The following PLEKHG1 variants were observed in gnomAD, a reference collection of about 807,000 sequenced individuals.
PLEKHG1 encodes the protein pleckstrin homology domain-containing family G member 1.
In PLEKHG1, 44 loss-of-function variants were observed where a neutral mutation model predicts 100.8. The observed-to-expected ratio is 0.44, with a 90% CI of 0.34 to 0.56. The LOEUF (loss-of-function observed/expected upper bound fraction) is 0.56, where lower values mean the gene tolerates loss of function less well. PLEKHG1 is among the 20% of genes least tolerant of loss of function. PLEKHG1 has a pLI of 0.01. For synonymous variants in PLEKHG1, 640 were observed against 662.5 expected, an observed-to-expected ratio of 0.97 and a Z score of 0.52; for missense variants, 1,545 against 1,720.9, an observed-to-expected ratio of 0.90 and a Z score of 1.81.
rs541793026 is a variant in PLEKHG1, at chr6:150,722,698, T to G, written c.-99+1498T>G. On this transcript the variant is annotated intron_variant, in intron 1 of 15. Coordinates refer to ENST00000358517, the Ensembl canonical transcript of PLEKHG1. ...ACATGTCTAATGTACTTCATGGATTTATTTGTTTGGAGTGCTATTGTTAGT... is the reference window on the plus strand; with the variant it reads ...ACATGTCTAATGTACTTCATGGATTGATTTGTTTGGAGTGCTATTGTTAGT... 2.7e-4 allele frequency among the ~76,000 whole-genome samples: 41 copies of G among 152,282 alleles called. 1 individual carries two copies. In the South Asian group the frequency reaches 7.7e-3, roughly 28 times the overall value.
intron 10 of PLEKHG1, among the ~76,000 whole-genome samples, chr6:150,813,463 G>A (rs1242901977): frequency 5.3e-5 from 8 of 151,814 alleles, no homozygotes; most frequent in Non-Finnish European, 1.2e-4. Flanking sequence ...GAAAACCGTG[G>A]TGTGTGTGGG....
chr6:150,649,992 A>G (rs1328159597), intron 2 of PLEKHG1, among the ~76,000 whole-genome samples: 2 of 151,860 alleles, frequency 1.3e-5, no homozygotes, highest in African/African-American at 4.8e-5. Flanking sequence ...AGCCTGGGCG[A>G]CAGAGCGGGA....
intron 15 of PLEKHG1, among the ~76,000 whole-genome samples, chr6:150,836,746 C>T (rs1423269595): frequency 1.3e-5 from 2 of 151,406 alleles, no homozygotes; most frequent in East Asian, 3.9e-4. Flanking sequence ...TTATTTGAGC[C>T]CAGGAGTCTG....
At chr6:150,745,285 G>T (rs1276378377) in intron 2 of PLEKHG1, among the ~76,000 whole-genome samples, 1 of 152,222 alleles carries the variant, frequency 6.6e-6, no homozygotes, top group Non-Finnish European at 1.5e-5. Context: ...TGAAAATGCA[G>T]TATTATAATC....
chr6:150,810,539 G>GAAAGAAAGAAAGAAAGA (rs1562540321), intron 10 of PLEKHG1, among the ~76,000 whole-genome samples: 39 of 104,942 alleles, frequency 3.7e-4, no homozygotes, highest in African/African-American at 1.6e-3. Flanking sequence ...AGAAAGAAAG[G>GAAAGAAAGAAAGAAAGA]AAGAAAGGAA....
rs150466949 is a variant in PLEKHG1, at chr6:150,674,195, C to T, written c.-99+23409C>T. Among the ~76,000 whole-genome samples the T allele has an allele frequency of 2.4e-3, 368 of 152,084 alleles. 2 individuals carry two copies. Among genetic ancestry groups the T allele is most frequent in the African/African-American group, 8.1e-3 (337 of 41,504 alleles). On this transcript the variant is annotated intron_variant, in intron 3 of 3. Transcript: ENST00000367326. ...GAGGCAGGGCAACAGTTTGAATCATCGGGGAAGGTTAAATTATAGTTTGTA... is the reference window on the plus strand; with the variant it reads ...GAGGCAGGGCAACAGTTTGAATCATTGGGGAAGGTTAAATTATAGTTTGTA...
intron 2 of PLEKHG1, among the ~76,000 whole-genome samples, chr6:150,735,959 G>T (rs539535507): frequency 6.6e-6 from 1 of 152,222 alleles, no homozygotes; most frequent in African/African-American, 2.4e-5. Flanking sequence ...TTCAATGTAA[G>T]TTCTATGTGA....
chr6:150,808,675 C>T (rs1376382602), intron 7 of PLEKHG1, among the ~76,000 whole-genome samples: 1 of 152,140 alleles, frequency 6.6e-6, no homozygotes, highest in Non-Finnish European at 1.5e-5. Context: ...ATCGCTTGAA[C>T]CGGGAGGTGG....
intron 3 of PLEKHG1, among the ~76,000 whole-genome samples, chr6:150,659,264 G>T (rs1263746528): frequency 6.6e-6 from 1 of 152,088 alleles, no homozygotes; most frequent in Non-Finnish European, 1.5e-5. Context: ...ATGACATGTT[G>T]TTGCTTGCTC....
upstream of PLEKHG1, among the ~76,000 whole-genome samples, chr6:150,717,533 C>G (rs1781490586): frequency 6.6e-6 from 1 of 152,110 alleles, no homozygotes; most frequent in Non-Finnish European, 1.5e-5. Context: ...TTCAATTAGG[C>G]CAGAAGGCCA....
intron 3 of PLEKHG1, among the ~76,000 whole-genome samples, chr6:150,708,767 A>G (rs1781125498): frequency 6.6e-6 from 1 of 152,250 alleles, no homozygotes. Flanking sequence ...TGCTACTGCT[A>G]TGTCAGGGAT....
At chr6:150,837,443 A>G (rs1777289354) in intron 15 of PLEKHG1, among the ~76,000 whole-genome samples, 1 of 152,258 alleles carries the variant, frequency 6.6e-6, no homozygotes, top group South Asian at 2.1e-4. Context: ...TTTGGATGAT[A>G]TGTGATTTCA....
At chr6:150,707,710 ATCAATACAAAGAAATTAAAC>A (rs1781081305) in intron 3 of PLEKHG1, among the ~76,000 whole-genome samples, 1 of 152,064 alleles carries the variant, frequency 6.6e-6, no homozygotes. Flanking sequence ...AACTTGGGTC[ATCAATACAAAGAAATTAAAC>A]CCTGTGTTGA....
At chr6:150,649,112 T>G (rs984721755) in intron 2 of PLEKHG1, among the ~76,000 whole-genome samples, 1 of 152,158 alleles carries the variant, frequency 6.6e-6, no homozygotes, top group African/African-American at 2.4e-5. Flanking sequence ...GCTTAAACAT[T>G]TAATTTCTTT....
chr6:150,810,611 C>A (rs532013925), intron 10 of PLEKHG1, among the ~76,000 whole-genome samples: 1 of 151,708 alleles, frequency 6.6e-6, no homozygotes, highest in Non-Finnish European at 1.5e-5. Flanking sequence ...GCTAAACCAG[C>A]CATTAACATC....
At chr6:150,619,965 T>C (rs1447512056) in intron 1 of PLEKHG1, among the ~76,000 whole-genome samples, 3 of 152,236 alleles carry the variant, frequency 2.0e-5, no homozygotes, top group Non-Finnish European at 4.4e-5. Context: ...AGGTGTGTTT[T>C]GAATTAAGGA....
At chr6:150,636,016 A>G (rs951683192) in intron 1 of PLEKHG1, among the ~76,000 whole-genome samples, 1 of 152,156 alleles carries the variant, frequency 6.6e-6, no homozygotes, top group Non-Finnish European at 1.5e-5. Flanking sequence ...GGCATTTTTG[A>G]GTTGAAGGGT....
At chr6:150,609,242 AC>A (rs1454820406) in intron 1 of PLEKHG1, among the ~76,000 whole-genome samples, 5 of 152,328 alleles carry the variant, frequency 3.3e-5, no homozygotes, top group African/African-American at 1.2e-4. Context: ...AACAGACCAA[AC>A]CTAGAATGAA....
intron 1 of PLEKHG1, among the ~76,000 whole-genome samples, chr6:150,628,695 C>T (rs1271411607): frequency 6.6e-6 from 1 of 151,966 alleles, no homozygotes; most frequent in African/African-American, 2.4e-5. Context: ...AATATTCTGC[C>T]CGTACTATTA....
Sources: gnomAD v4.1 joint callset for allele counts (sites outside exome capture counted in the v4.1 genomes callset) on GRCh38, gnomAD v4.1.1 for gene constraint, MANE v1.5 for transcripts, NCBI Gene and HGNC (gene_info 2026-07-23, HGNC 2026-07-21) for gene names.